The following NBAS variants were observed in gnomAD, a reference collection of about 807,000 sequenced individuals.
The protein encoded by NBAS is NAG/BC035112 fusion.
NBAS carries 219 observed loss-of-function variants against 302.5 expected under a neutral mutation model. The ratio of observed to expected loss-of-function variants is 0.72; its 90% CI spans 0.65 to 0.81. The LOEUF is 0.81. NBAS is among the 30% of genes least tolerant of loss of function. The pLI is 0.00. For missense variants in NBAS, 2,932 were observed against 2,841.6 expected (o/e 1.03, Z -0.72); for synonymous variants, 1,118 against 1,021.6 (o/e 1.09, Z -1.80).
chr2:15,281,115 T>C (rs1411885190), intron 42 of NBAS, among the ~76,000 whole-genome samples: 1 of 152,210 alleles, frequency 6.6e-6, no homozygotes, highest in Non-Finnish European at 1.5e-5. Flanking sequence ...TTTCTCATCA[T>C]GCTGATATTC....
At chr2:15,208,683 T>C (rs1572451929) in intron 48 of NBAS, among the ~76,000 whole-genome samples, 1 of 151,514 alleles carries the variant, frequency 6.6e-6, no homozygotes, top group African/African-American at 2.4e-5. Flanking sequence ...ATTAAAAAAA[T>C]GGAAATATTA....
intron 21 of NBAS, among the ~76,000 whole-genome samples, chr2:15,437,469 A>C (rs1192919547): frequency 6.6e-6 from 1 of 152,238 alleles, no homozygotes; most frequent in Non-Finnish European, 1.5e-5. Flanking sequence ...TACACTGCAG[A>C]CAGGCATAAA....
chr2:14,913,890 A>G, the NBAS span, among the ~76,000 whole-genome samples: 1 of 152,182 alleles, frequency 6.6e-6, no homozygotes, highest in Non-Finnish European at 1.5e-5. Flanking sequence ...TCCTAGCCTT[A>G]TGGAAATAGC....
intron 36 of NBAS, among the ~76,000 whole-genome samples, chr2:15,328,948 T>C (rs972004648): frequency 6.6e-6 from 1 of 152,192 alleles, no homozygotes; most frequent in Non-Finnish European, 1.5e-5. Context: ...ACCTGCTGAA[T>C]CCTTGACAGA....
At chr2:14,882,079 A>G in the NBAS span, among the ~76,000 whole-genome samples, 1 of 152,184 alleles carries the variant, frequency 6.6e-6, no homozygotes, top group East Asian at 1.9e-4. Context: ...TACTCTCTCC[A>G]TTACCCTAGC....
At chr2:15,163,414 T>C (rs1482157620), downstream of NBAS, among the ~76,000 whole-genome samples, 3 of 152,168 alleles carry the variant, frequency 2.0e-5, no homozygotes, top group Non-Finnish European at 4.4e-5. Context: ...TAAACCCTGC[T>C]CTCCTGACTG....
At chr2:14,827,628 G>A in the NBAS span, among the ~76,000 whole-genome samples, 8 of 152,268 alleles carry the variant, frequency 5.3e-5, no homozygotes, top group Non-Finnish European at 1.0e-4. Flanking sequence ...TTAAAAAGAA[G>A]GAAATCCTGT....
the NBAS span, among the ~76,000 whole-genome samples, chr2:15,098,625 T>C: frequency 3.3e-3 from 430 of 128,678 alleles, 5 homozygotes; most frequent in African/African-American, 0.012. Flanking sequence ...GTATTATATA[T>C]TGTATATTAT....
chr2:15,314,523 C>T (rs1572639990), intron 38 of NBAS, among the ~76,000 whole-genome samples: 2 of 152,256 alleles, frequency 1.3e-5, no homozygotes, highest in Non-Finnish European at 2.9e-5. Flanking sequence ...AGCTCCTGCC[C>T]GTGCCATGCT....
chr2:14,875,478 T>C, the NBAS span, among the ~76,000 whole-genome samples: 1 of 152,038 alleles, frequency 6.6e-6, no homozygotes, highest in Non-Finnish European at 1.5e-5. Flanking sequence ...TAGCTTGGCA[T>C]AGTGGTGGGC....
intron 51 of NBAS, chr2:15,178,127 C>A (rs1469280106): frequency 4.3e-6 from 2 of 470,484 alleles, no homozygotes; most frequent in Non-Finnish European, 8.8e-6. Context: ...GCTCTAGATT[C>A]TCCTTCCTTC....
At chr2:15,446,308 A>G (rs148790480) in intron 21 of NBAS, among the ~76,000 whole-genome samples, 213 of 152,332 alleles carry the variant, frequency 1.4e-3, no homozygotes, top group African/African-American at 4.9e-3. Flanking sequence ...GCATGCAAAG[A>G]AAACAAGACA....
chr2:14,998,500 G>A, the NBAS span, among the ~76,000 whole-genome samples: 3 of 152,190 alleles, frequency 2.0e-5, no homozygotes, highest in East Asian at 3.9e-4. Flanking sequence ...CCTTACCTAC[G>A]TGAAGCCCAG....
intron 21 of NBAS, among the ~76,000 whole-genome samples, chr2:15,455,957 T>C (rs559214781): frequency 6.6e-6 from 1 of 152,296 alleles, no homozygotes; most frequent in South Asian, 2.1e-4. Context: ...ATGCTTCTTC[T>C]AACAGAAAAT....
At chr2:15,238,219 C>T (rs1667693591) in intron 45 of NBAS, among the ~76,000 whole-genome samples, 1 of 152,138 alleles carries the variant, frequency 6.6e-6, no homozygotes, top group Non-Finnish European at 1.5e-5. Context: ...CCATTTCCAC[C>T]CTTCTCACCC....
At chr2:15,261,296 G>A (rs538415021) in intron 44 of NBAS, among the ~76,000 whole-genome samples, 4 of 152,264 alleles carry the variant, frequency 2.6e-5, no homozygotes, top group Admixed American at 6.5e-5. Context: ...AGTATAGCAC[G>A]TTAAGTGCTG....
chr2:15,293,718 T>G (rs1670423558), intron 40 of NBAS, among the ~76,000 whole-genome samples: 1 of 152,194 alleles, frequency 6.6e-6, no homozygotes, highest in South Asian at 2.1e-4. Context: ...TGTCAGCATT[T>G]CTAATGTGTA....
the NBAS span, among the ~76,000 whole-genome samples, chr2:15,155,680 C>T: frequency 1.3e-5 from 2 of 152,326 alleles, no homozygotes; most frequent in East Asian, 3.9e-4. Flanking sequence ...GTTCCGGATG[C>T]TGCATTTTAC....
the NBAS span, among the ~76,000 whole-genome samples, chr2:14,981,531 T>A: frequency 6.6e-6 from 1 of 152,240 alleles, no homozygotes; most frequent in African/African-American, 2.4e-5. Flanking sequence ...ATAATCTTCC[T>A]TCCGTCCACA....
Sources: allele counts gnomAD v4.1 joint callset (sites outside exome capture counted in the v4.1 genomes callset), GRCh38; gene constraint gnomAD v4.1.1; transcripts MANE v1.5; gene names NCBI Gene and HGNC (gene_info 2026-07-23, HGNC 2026-07-21).